The following C16orf96 variants were observed in gnomAD, a reference collection of about 807,000 sequenced individuals.
C16orf96 encodes chromosome 16 open reading frame 96, also known as uncharacterized protein C16orf96.
C16orf96 carries 108 observed loss-of-function variants against 103.6 expected under a neutral mutation model. That is an observed-to-expected ratio of 1.04 (90% CI 0.89 to 1.22). The LOEUF is 1.22. Ranked by LOEUF, C16orf96 falls within the 50% of genes most tolerant of loss-of-function variation. The pLI, the probability that C16orf96 is intolerant of heterozygous loss-of-function variation, is 0.00. For missense variants in C16orf96, 1,586 were observed against 1,464.2 expected (o/e 1.08, Z -1.36); for synonymous variants, 566 against 593.5 (o/e 0.95, Z 0.67).
chr16:4,597,204 C>A (rs1206235785), intron 14 of C16orf96, among the ~76,000 whole-genome samples: 1 of 152,206 alleles, frequency 6.6e-6, no homozygotes, highest in Non-Finnish European at 1.5e-5. Context: ...GCCCCTGCCC[C>A]CTGCCTGGTA....
intron 7 of C16orf96, among the ~76,000 whole-genome samples, chr16:4,586,464 G>A (rs575491897): frequency 6.6e-6 from 1 of 152,318 alleles, no homozygotes; most frequent in Non-Finnish European, 1.5e-5. Context: ...CAGCTTTGCA[G>A]GAACTATGGC....
rs1361810252 is a variant in C16orf96, at chr16:4,576,285, C to A, written c.1805C>A (p.Thr602Asn). The change falls in exon 5 of 16, where the codon ACC becomes AAC. Residue 602 changes from threonine to asparagine, a missense_variant. Coordinates refer to ENST00000444310, the MANE Select transcript of C16orf96 (RefSeq NM_001145011.2). Reference sequence around the variant, plus strand: ...AAGTTTGTCAAGGATGCCCCAGCCACCAAAATGGCCGCCATTGCAACAGAC... The same window carrying A: ...AAGTTTGTCAAGGATGCCCCAGCCAACAAAATGGCCGCCATTGCAACAGAC... ...AAKFVKDAPA[T>N]KMAAIATDTA... The A allele has an allele frequency of 6.4e-5, 99 of 1,550,770 alleles. No individual in the cohort carries two copies. The East Asian group carries it at 2.3e-3, about 36-fold the overall frequency.
intron 1 of C16orf96, chr16:4,562,894 T>C: frequency 2.1e-6 from 3 of 1,416,422 alleles, no homozygotes; most frequent in Non-Finnish European, 3.0e-6. Context: ...GAAATACCTT[T>C]TCTTCCTGGT....
At chr16:4,590,320 A>T (rs1897027759) in intron 9 of C16orf96, among the ~76,000 whole-genome samples, 1 of 151,834 alleles carries the variant, frequency 6.6e-6, no homozygotes, top group Non-Finnish European at 1.5e-5. Flanking sequence ...GCACTTTGAG[A>T]GGCAGAGATG....
At chr16:4,581,068 G>C (rs139420507) in intron 7 of C16orf96, among the ~76,000 whole-genome samples, 1 of 148,158 alleles carries the variant, frequency 6.7e-6, no homozygotes, top group Non-Finnish European at 1.5e-5. Flanking sequence ...TGGTTGCGGT[G>C]AGCCCCGATC....
In C16orf96 at chr16:4,600,493, C is replaced by CCG; in HGVS notation, c.*177_*178insGC. On this transcript the variant is annotated 3_prime_UTR_variant, in exon 16 of 16. Coordinates refer to ENST00000444310, the MANE Select transcript of C16orf96 (RefSeq NM_001145011.2). ...GTCCGAGGCTGAGGCTCATGCGCCC[C>CCG]CCCCCATCCCTACCAAGTCCCCTCC... The CCG allele has an allele frequency of 4.2e-6, 2 of 475,006 alleles. No individual in the cohort carries two copies. The highest frequency in any genetic ancestry group is 3.8e-6 in the Non-Finnish European group (1 of 263,458). 29.4% of individuals were successfully genotyped at this position (475,006 alleles called of 1,614,324 possible).
the C16orf96 span, among the ~76,000 whole-genome samples, chr16:4,541,708 T>G: frequency 6.6e-6 from 1 of 152,352 alleles, no homozygotes; most frequent in East Asian, 1.9e-4. Context: ...GCAGAAGTGC[T>G]GTCTAGCATT....
chr16:4,582,555 G>A (rs1896815702), intron 7 of C16orf96, among the ~76,000 whole-genome samples: 1 of 152,078 alleles, frequency 6.6e-6, no homozygotes, highest in South Asian at 2.1e-4. Context: ...TGGACAGGAG[G>A]GTTGGCTGTC....
chr16:4,597,229 T>A (rs1447449561), intron 14 of C16orf96, among the ~76,000 whole-genome samples: 1 of 152,104 alleles, frequency 6.6e-6, no homozygotes, highest in African/African-American at 2.4e-5. Context: ...CTGGGAGGGC[T>A]CAGGCTGGGC....
At chr16:4,594,996 G>A (rs192097802) in intron 14 of C16orf96, among the ~76,000 whole-genome samples, 193 bp downstream of exon 14, 8 of 152,278 alleles carry the variant, frequency 5.3e-5, no homozygotes, top group Non-Finnish European at 7.4e-5. Flanking sequence ...GGGAGACCGC[G>A]GGAGCGAGGA....
At chr16:4,595,746 G>A (rs1288056262) in intron 14 of C16orf96, among the ~76,000 whole-genome samples, 1 of 151,968 alleles carries the variant, frequency 6.6e-6, no homozygotes, top group Non-Finnish European at 1.5e-5. Flanking sequence ...TTGCTCTGTC[G>A]CCCAGGCTGG....
At chr16:4,566,700 T>C (rs2059388403) in intron 1 of C16orf96, among the ~76,000 whole-genome samples, 1 of 152,114 alleles carries the variant, frequency 6.6e-6, no homozygotes, top group African/African-American at 2.4e-5. Flanking sequence ...TCTTCACTTG[T>C]TTTAGGTTTA....
rs191221826 is a variant in C16orf96, at chr16:4,570,705, T to A, written c.421-856T>A. On this transcript the variant is annotated intron_variant, in intron 1 of 15. Coordinates refer to ENST00000444310, the MANE Select transcript of C16orf96 (RefSeq NM_001145011.2). The stretch of plus-strand genomic sequence containing the variant: ...CTGTTATCGAACTCCTGGCCTCATG[T>A]TCTGCCTGACTTGGTCTCCCAAAGT... Among the ~76,000 whole-genome samples, 1,112 of 152,232 alleles carry A rather than the reference T, an allele frequency of 7.3e-3. 5 individuals are homozygous for A. Among genetic ancestry groups the A allele is most frequent in the Middle Eastern group, 0.034 (10 of 294 alleles).
At chr16:4,599,908 A>C (rs1387444514) in intron 15 of C16orf96, among the ~76,000 whole-genome samples, 192 bp from the exon 16 acceptor site, 1 of 152,150 alleles carries the variant, frequency 6.6e-6, no homozygotes, top group Non-Finnish European at 1.5e-5. Flanking sequence ...GGTGTCATTT[A>C]TCTTGGGTCA....
In C16orf96 at chr16:4,591,803, C is replaced by T; in HGVS notation, c.2711+19C>T. ...TTAGGAGGTGAGTGCCCGCCCGAGC[C>T]CCTCCTGGTAGGGGTCCTGCTGCCC... On this transcript the variant is annotated intron_variant, in intron 10 of 15. Coordinates refer to ENST00000444310, the MANE Select transcript of C16orf96 (RefSeq NM_001145011.2). 2 of 1,461,712 alleles carry T rather than the reference C, an allele frequency of 1.4e-6. No individual in the cohort carries two copies. The highest frequency in any genetic ancestry group is 9.2e-7 in the Non-Finnish European group (1 of 1,091,960). The allele number at this position is 1,461,712 out of a possible 1,614,324, so 90.5% of individuals were successfully genotyped here.
chr16:4,600,495 C>CCG lies in C16orf96; in HGVS notation c.*179_*180insGC. ...CCGAGGCTGAGGCTCATGCGCCCCC[C>CCG]CCCATCCCTACCAAGTCCCCTCCAC... On this transcript the variant is annotated 3_prime_UTR_variant, in exon 16 of 16. Transcript: ENST00000444310. 4 of 478,478 alleles carry CCG rather than the reference C, an allele frequency of 8.4e-6. 1 individual carries two copies. Among genetic ancestry groups the CCG allele is most frequent in the Non-Finnish European group, 1.5e-5 (4 of 264,974 alleles). The allele number at this position is 478,478 out of a possible 1,614,324, so 29.6% of individuals were successfully genotyped here.
intron 9 of C16orf96, among the ~76,000 whole-genome samples, chr16:4,588,851 T>C (rs1057089479): frequency 1.3e-5 from 2 of 151,990 alleles, no homozygotes. Context: ...ACGCTGCTGC[T>C]CATGGTGGAG....
Position 4,587,111 on chromosome 16 carries a change from G to C in C16orf96, c.2425G>C (p.Glu809Gln). Reference protein sequence around the residue: ...NKSTMEEELREKADRSALAGK... With the variant: ...NKSTMEEELRQKADRSALAGK... ...GAGCACGATGGAGGAGGAGCTGAGA[G>C]AGGTGAGTGAGCAGAGGTTCCTCTG... is the stretch of plus-strand genomic sequence containing the variant. The change falls in exon 8 of 16, where the codon GAG becomes CAG. Residue 809 changes from glutamate to glutamine, a missense_variant and splice_region_variant. Glu to Gln is a conservative substitution (Grantham distance 29, BLOSUM62 2). Coordinates refer to ENST00000444310, the MANE Select transcript of C16orf96 (RefSeq NM_001145011.2). 1 of 1,551,438 alleles carries C rather than the reference G, an allele frequency of 6.4e-7. No homozygotes were observed. The highest frequency in any genetic ancestry group is 8.7e-7 in the Non-Finnish European group (1 of 1,146,852).
At chr16:4,589,290 A>G (rs996011974) in intron 9 of C16orf96, among the ~76,000 whole-genome samples, 1 of 152,084 alleles carries the variant, frequency 6.6e-6, no homozygotes, top group Admixed American at 6.6e-5. Context: ...ATCATAAAAG[A>G]CATTGCAGCC....
Sources: gnomAD v4.1 joint callset for allele counts (sites outside exome capture counted in the v4.1 genomes callset) on GRCh38, gnomAD v4.1.1 for gene constraint, MANE v1.5 for transcripts, NCBI Gene and HGNC (gene_info 2026-07-23, HGNC 2026-07-21) for gene names.